GPC5: variants seen among roughly 807,000 people sequenced by gnomAD.
GPC5 encodes the protein glypican 5, also known as glypican-5.
GPC5 carries 47 observed loss-of-function variants against 53.9 expected under a neutral mutation model. The ratio of observed to expected loss-of-function variants is 0.87; its 90% CI spans 0.69 to 1.11. The LOEUF (loss-of-function observed/expected upper bound fraction) is 1.11, where lower values mean the gene tolerates loss of function less well. Among genes scored for constraint, GPC5 ranks in the 50% most tolerant of loss-of-function variants. The pLI is 0.00. For missense variants in GPC5, 748 were observed against 713.1 expected (o/e 1.05, Z -0.56); for synonymous variants, 286 against 263.3 (o/e 1.09, Z -0.84).
At chr13:91,936,857 G>T (rs1409785079) in intron 6 of GPC5, among the ~76,000 whole-genome samples, 1 of 151,958 alleles carries the variant, frequency 6.6e-6, no homozygotes, top group African/African-American at 2.4e-5. Context: ...TTCCACTGCA[G>T]CTTTGACATT....
intron 7 of GPC5, among the ~76,000 whole-genome samples, chr13:92,289,951 C>T (rs1044557755): frequency 2.0e-5 from 3 of 152,060 alleles, no homozygotes; most frequent in Non-Finnish European, 2.9e-5. Context: ...TATACCAAAC[C>T]TTATATTCCT....
At chr13:91,926,708 G>C (rs1233281177) in intron 6 of GPC5, among the ~76,000 whole-genome samples, 1 of 152,156 alleles carries the variant, frequency 6.6e-6, no homozygotes, top group Non-Finnish European at 1.5e-5. Flanking sequence ...AATTATATCT[G>C]TCCCTTAGAG....
At chr13:92,385,465 TATATACATATATACATATATAC>T (rs1566567618) in intron 7 of GPC5, among the ~76,000 whole-genome samples, 4 of 133,332 alleles carry the variant, frequency 3.0e-5, no homozygotes, top group Admixed American at 7.9e-5. Context: ...TATATACACA[TATATACATATATACATATATAC>T]ACATATATAC....
At chr13:92,484,080 G>A (rs1879461664) in intron 7 of GPC5, among the ~76,000 whole-genome samples, 1 of 152,184 alleles carries the variant, frequency 6.6e-6, no homozygotes, top group Non-Finnish European at 1.5e-5. Context: ...TACGGCTACA[G>A]TGAGCCATGA....
chr13:92,612,172 T>C (rs1167494007), intron 7 of GPC5, among the ~76,000 whole-genome samples: 2 of 152,128 alleles, frequency 1.3e-5, no homozygotes. Context: ...TCCCTATTCA[T>C]GGCAATCTGA....
At chr13:92,055,552 A>C (rs914552350) in intron 6 of GPC5, among the ~76,000 whole-genome samples, 1 of 152,202 alleles carries the variant, frequency 6.6e-6, no homozygotes, top group Admixed American at 6.5e-5. Flanking sequence ...GAAGTCCTTG[A>C]GATCTCAAAA....
intron 2 of GPC5, among the ~76,000 whole-genome samples, chr13:91,566,554 T>C (rs955832148): frequency 2.0e-5 from 3 of 152,192 alleles, no homozygotes; most frequent in Non-Finnish European, 4.4e-5. Flanking sequence ...AGAGCAAGAC[T>C]CTGTCTCAAA....
intron 2 of GPC5, among the ~76,000 whole-genome samples, chr13:91,520,059 C>A (rs921950363): frequency 1.3e-5 from 2 of 151,966 alleles, no homozygotes; most frequent in Non-Finnish European, 2.9e-5. Context: ...TGGAGGCAAG[C>A]TAGAGATTTG....
intron 7 of GPC5, among the ~76,000 whole-genome samples, chr13:92,500,628 TC>T (rs776999714): frequency 2.0e-5 from 3 of 152,008 alleles, no homozygotes; most frequent in Non-Finnish European, 2.9e-5. Context: ...TTACAATTTT[TC>T]CCCCCATCCT....
intron 5 of GPC5, among the ~76,000 whole-genome samples, chr13:91,831,675 G>GA (rs148023706): frequency 0.075 from 11,193 of 148,698 alleles, 482 homozygotes; most frequent in Middle Eastern, 0.09. Flanking sequence ...CTAAAACTTT[G>GA]AAAAAAAAAG....
chr13:92,847,467 G>A (rs1293521920), intron 7 of GPC5, among the ~76,000 whole-genome samples: 1 of 152,020 alleles, frequency 6.6e-6, no homozygotes, highest in Non-Finnish European at 1.5e-5. Flanking sequence ...TCTCTTGATA[G>A]TGAGTTCTCA....
intron 7 of GPC5, among the ~76,000 whole-genome samples, chr13:92,274,214 A>G (rs930792328): frequency 1.1e-4 from 17 of 152,140 alleles, no homozygotes; most frequent in Non-Finnish European, 2.5e-4. Context: ...TACGGATTAC[A>G]TGGCTATTCA....
intron 5 of GPC5, among the ~76,000 whole-genome samples, chr13:91,890,158 A>G (rs192373552): frequency 3.3e-5 from 5 of 152,274 alleles, no homozygotes; most frequent in Admixed American, 3.3e-4. Context: ...GACAGGACAT[A>G]TGTCCTTGCA....
At chr13:92,547,305 T>C (rs1882151713) in intron 7 of GPC5, among the ~76,000 whole-genome samples, 1 of 152,204 alleles carries the variant, frequency 6.6e-6, no homozygotes, top group Non-Finnish European at 1.5e-5. Flanking sequence ...ATATATTTTT[T>C]CGAAGTACTT....
intron 7 of GPC5, among the ~76,000 whole-genome samples, chr13:92,189,604 C>T (rs2139045998): frequency 6.6e-6 from 1 of 152,196 alleles, no homozygotes; most frequent in South Asian, 2.1e-4. Context: ...CACACACACA[C>T]ACAAAAGTTT....
intron 7 of GPC5, among the ~76,000 whole-genome samples, chr13:92,470,805 T>C (rs541349570): frequency 5.3e-5 from 8 of 152,160 alleles, no homozygotes; most frequent in Non-Finnish European, 1.2e-4. Context: ...TTAGGGCTCT[T>C]AGATATTAAA....
chr13:92,077,860 A>G (rs1594754678), intron 6 of GPC5, among the ~76,000 whole-genome samples: 2 of 152,322 alleles, frequency 1.3e-5, no homozygotes, highest in Non-Finnish European at 1.5e-5. Context: ...TCATAGCCTA[A>G]TCCCTAAATA....
At chr13:92,465,149 T>C (rs888228676) in intron 7 of GPC5, among the ~76,000 whole-genome samples, 1 of 152,030 alleles carries the variant, frequency 6.6e-6, no homozygotes, top group African/African-American at 2.4e-5. Context: ...ACTAAAGTGA[T>C]CAACTCTAAA....
chr13:91,873,809 G>A (rs2039174077), intron 5 of GPC5, among the ~76,000 whole-genome samples: 2 of 152,014 alleles, frequency 1.3e-5, no homozygotes, highest in African/African-American at 2.4e-5. Context: ...AGCCTCCTGA[G>A]TAGCTGGGAC....
Sources: gnomAD v4.1 joint callset for allele counts (sites outside exome capture counted in the v4.1 genomes callset) on GRCh38, gnomAD v4.1.1 for gene constraint, MANE v1.5 for transcripts, NCBI Gene and HGNC (gene_info 2026-07-23, HGNC 2026-07-21) for gene names.